Variants in ENOPH1 observed in about 807,000 individuals in gnomAD.
ENOPH1 encodes enolase-phosphatase E1.
In ENOPH1, 14 loss-of-function variants were observed where a neutral mutation model predicts 31.1. The ratio of observed to expected loss-of-function variants is 0.45; its 90% confidence interval spans 0.30 to 0.70. ENOPH1 has a LOEUF of 0.70. Among genes scored for constraint, ENOPH1 ranks in the 30% least tolerant of loss-of-function variants. ENOPH1 has a pLI of 0.09. For missense variants in ENOPH1, 243 were observed against 321.5 expected, an observed-to-expected ratio of 0.76 and a Z score of 1.87; for synonymous variants, 127 against 123.2, an observed-to-expected ratio of 1.03 and a Z score of -0.21.
chr4:82,456,050 G>C (rs1275328630), intron 4 of ENOPH1, among the ~76,000 whole-genome samples: 1 of 151,724 alleles, frequency 6.6e-6, no homozygotes, highest in Admixed American at 6.6e-5. Flanking sequence ...TCTTAATACA[G>C]ATACAACTTC....
At position 82,430,872 on chromosome 4, in the gene ENOPH1, T is replaced by C. The variant is rs1383876873; in HGVS notation, c.43T>C (p.Leu15=). 3 of 1,614,184 alleles carry C rather than the reference T, an allele frequency of 1.9e-6. No individual in the cohort carries two copies. Among genetic ancestry groups the C allele is most frequent in the Non-Finnish European group, 1.7e-6 (2 of 1,179,996 alleles). ...CCCCGCCGAAGTCACCGTGATCCTG[T>C]TAGATATCGAAGGTACCACAACCCC... ...SVPAEVTVIL[L]DIEGTTTPIA... The change falls in exon 1 of 6, where the codon TTA becomes CTA. Residue 15 remains leucine, a synonymous_variant. Coordinates refer to ENST00000273920, the MANE Select transcript of ENOPH1 (RefSeq NM_021204.5).
chr4:82,439,743 T>C (rs1248688047), intron 1 of ENOPH1, among the ~76,000 whole-genome samples: 2 of 152,174 alleles, frequency 1.3e-5, no homozygotes, highest in African/African-American at 4.8e-5. Flanking sequence ...TTTGAGTGCT[T>C]GGTGGTGGCA....
At chr4:82,450,299 A>ACATAAATG (rs1334174465) in intron 2 of ENOPH1, among the ~76,000 whole-genome samples, 3 of 152,222 alleles carry the variant, frequency 2.0e-5, no homozygotes, top group Non-Finnish European at 4.4e-5. Context: ...TTTTTTCTCC[A>ACATAAATG]CATAAATGTT....
At chr4:82,434,413 G>T (rs1326608261) in intron 1 of ENOPH1, among the ~76,000 whole-genome samples, 1 of 152,074 alleles carries the variant, frequency 6.6e-6, no homozygotes, top group African/African-American at 2.4e-5. Flanking sequence ...GTGAAAGCCA[G>T]TCTCTACTAA....
intron 5 of ENOPH1, among the ~76,000 whole-genome samples, chr4:82,458,335 T>C (rs1251132038): frequency 1.3e-5 from 2 of 152,102 alleles, no homozygotes; most frequent in Non-Finnish European, 2.9e-5. Context: ...GGTGAAACCT[T>C]GTGTCTACTA....
intron 1 of ENOPH1, among the ~76,000 whole-genome samples, chr4:82,431,503 T>C (rs528100260): frequency 2.2e-4 from 33 of 152,338 alleles, no homozygotes; most frequent in Non-Finnish European, 3.1e-4. Flanking sequence ...TTTTGAGCTA[T>C]AGGACACGTC....
At chr4:82,442,582 G>A (rs537803095) in intron 1 of ENOPH1, among the ~76,000 whole-genome samples, 49 of 151,766 alleles carry the variant, frequency 3.2e-4, no homozygotes, top group Non-Finnish European at 6.5e-4. Context: ...ACTTAGTTTT[G>A]CTAACTTTTA....
At chr4:82,446,370 C>T (rs898997481) in intron 1 of ENOPH1, among the ~76,000 whole-genome samples, 6 of 149,746 alleles carry the variant, frequency 4.0e-5, no homozygotes, top group Non-Finnish European at 4.4e-5. Flanking sequence ...TGCAGTGAGC[C>T]GAGATCTCAC....
At chr4:82,448,377 C>T (rs1352947817) in intron 2 of ENOPH1, among the ~76,000 whole-genome samples, 1 of 151,692 alleles carries the variant, frequency 6.6e-6, no homozygotes, top group Non-Finnish European at 1.5e-5. Context: ...TCTCCTGCCT[C>T]AGCCTCCCGA....
chr4:82,434,445 C>A (rs1721855127), intron 1 of ENOPH1, among the ~76,000 whole-genome samples: 1 of 151,910 alleles, frequency 6.6e-6, no homozygotes, highest in Non-Finnish European at 1.5e-5. Flanking sequence ...GTAGGCCAGG[C>A]ATGGTGGCTC....
At chr4:82,458,009 C>T (rs113589459) in intron 5 of ENOPH1, among the ~76,000 whole-genome samples, 2,133 of 152,228 alleles carry the variant, frequency 0.014, 54 homozygotes, top group African/African-American at 0.049. Flanking sequence ...ATGAAATTAG[C>T]TCCCTTTGAT....
At chr4:82,438,774 T>C (rs548520885) in intron 1 of ENOPH1, among the ~76,000 whole-genome samples, 2 of 152,364 alleles carry the variant, frequency 1.3e-5, no homozygotes, top group South Asian at 4.1e-4. Context: ...AATGATACCC[T>C]GTGTTTAGCC....
intron 2 of ENOPH1, among the ~76,000 whole-genome samples, 179 bp from the exon 3 acceptor site, chr4:82,450,863 AT>A (rs1722328303): frequency 6.6e-6 from 1 of 152,240 alleles, no homozygotes; most frequent in Non-Finnish European, 1.5e-5. Flanking sequence ...ATGTAAATTT[AT>A]TAATCCAGGT....
chr4:82,456,967 G>T lies in ENOPH1; in HGVS notation c.575G>T (p.Ser192Ile). 1 of 1,614,104 alleles carries T rather than the reference G, an allele frequency of 6.2e-7. No homozygotes were observed. Among genetic ancestry groups the T allele is most frequent in the Non-Finnish European group, 8.5e-7 (1 of 1,180,002 alleles). ...TKIGHKVESE[S>I]YRKIADSIGC... Reference sequence around the variant, plus strand: ...ATTGGACACAAAGTAGAGAGTGAAAGTTACCGAAAGATTGCAGACAGCATT... The same window carrying T: ...ATTGGACACAAAGTAGAGAGTGAAATTTACCGAAAGATTGCAGACAGCATT... The change falls in exon 5 of 6, where the codon AGT becomes ATT. Residue 192 changes from serine to isoleucine, a missense_variant. Coordinates refer to ENST00000273920, the MANE Select transcript of ENOPH1 (RefSeq NM_021204.5).
intron 5 of ENOPH1, among the ~76,000 whole-genome samples, chr4:82,457,619 A>G (rs2110048319): frequency 6.9e-6 from 1 of 144,806 alleles, no homozygotes; most frequent in Non-Finnish European, 1.5e-5. Flanking sequence ...ATCGCTATGT[A>G]CACACACACA....
At chr4:82,441,498 G>T in intron 1 of ENOPH1, among the ~76,000 whole-genome samples, 1 of 152,258 alleles carries the variant, frequency 6.6e-6, no homozygotes, top group South Asian at 2.1e-4. Context: ...GGCAGGCGTG[G>T]TGGCGGGTGC....
intron 1 of ENOPH1, among the ~76,000 whole-genome samples, chr4:82,443,395 CCA>C (rs1722092257): frequency 6.7e-6 from 1 of 149,854 alleles, no homozygotes; most frequent in Non-Finnish European, 1.5e-5. Flanking sequence ...CAAGATCATG[CCA>C]CTGCACTCCG....
chr4:82,459,536 G>A (rs574777878), intron 5 of ENOPH1, among the ~76,000 whole-genome samples: 10 of 152,120 alleles, frequency 6.6e-5, no homozygotes, highest in African/African-American at 1.2e-4. Context: ...CAAGTCTGGC[G>A]TTCAAGTGAA....
intron 2 of ENOPH1, 93 bp downstream of exon 2, chr4:82,448,114 G>A: frequency 1.2e-6 from 1 of 804,130 alleles, no homozygotes; most frequent in Non-Finnish European, 2.0e-6. Flanking sequence ...TAAAATAAGT[G>A]CCCTGGTTTG....
Sources: allele counts gnomAD v4.1 joint callset (sites outside exome capture counted in the v4.1 genomes callset), GRCh38; gene constraint gnomAD v4.1.1; transcripts MANE v1.5; gene names NCBI Gene and HGNC (gene_info 2026-07-23, HGNC 2026-07-21).